The following STIM1 variants were observed in gnomAD, a reference collection of about 807,000 sequenced individuals.
STIM1 encodes the protein stromal interaction molecule 1.
A neutral mutation model predicts 74.7 loss-of-function variants in STIM1; 25 were observed. That is an observed-to-expected ratio of 0.33 (90% CI 0.24 to 0.47). STIM1 has a LOEUF of 0.47. Ranked by LOEUF, STIM1 falls within the 20% of genes least tolerant of loss-of-function variation. The probability of loss-of-function intolerance (pLI) is 1.00; values close to 1 mark genes in which losing one functional copy is unlikely to be tolerated. For missense variants in STIM1, 728 were observed against 920.8 expected (o/e 0.79, Z 2.71); for synonymous variants, 328 against 348.8 (o/e 0.94, Z 0.66).
chr11:3,996,067 G>GCCACTGCACTCT (rs2093660979), intron 2 of STIM1, among the ~76,000 whole-genome samples: 1 of 152,052 alleles, frequency 6.6e-6, no homozygotes, highest in Non-Finnish European at 1.5e-5. Context: ...ACTCTTTTGA[G>GCCACTGCACTCT]AGTACCCTAC....
At chr11:3,947,700 A>C (rs1015445344) in intron 1 of STIM1, 3 of 152,140 alleles carry the variant, frequency 2.0e-5, no homozygotes, top group Non-Finnish European at 2.9e-5. Flanking sequence ...TTGCCCAGTA[A>C]ATCAGCTGTG....
chr11:4,015,898 C>A (rs756149353), intron 2 of STIM1, among the ~76,000 whole-genome samples: 5 of 152,146 alleles, frequency 3.3e-5, no homozygotes, highest in Admixed American at 1.3e-4. Context: ...TCCATCAGGT[C>A]ATTTAAGCTC....
At chr11:3,884,333 T>C (rs1047563264) in intron 1 of STIM1, among the ~76,000 whole-genome samples, 1 of 152,196 alleles carries the variant, frequency 6.6e-6, no homozygotes, top group Admixed American at 6.5e-5. Context: ...TGCTTTGTTG[T>C]ATGGTGAACA....
chr11:3,968,833 AC>A (rs2135741264), intron 2 of STIM1, among the ~76,000 whole-genome samples: 1 of 152,350 alleles, frequency 6.6e-6, no homozygotes, highest in African/African-American at 2.4e-5. Context: ...TTGAACTCTT[AC>A]CTTATGCCAG....
chr11:4,080,677 G>C (rs1465890696), intron 7 of STIM1, among the ~76,000 whole-genome samples: 4 of 152,040 alleles, frequency 2.6e-5, no homozygotes, highest in African/African-American at 7.2e-5. Flanking sequence ...TGTTGCTCAG[G>C]CTGCTCTCGA....
intron 1 of STIM1, among the ~76,000 whole-genome samples, chr11:3,930,023 T>G (rs555777743): frequency 6.6e-6 from 1 of 152,230 alleles, no homozygotes; most frequent in South Asian, 2.1e-4. Flanking sequence ...CATCCCCTTT[T>G]AGGAGGTAAT....
At chr11:3,908,344 G>A (rs1390292852) in intron 1 of STIM1, among the ~76,000 whole-genome samples, 2 of 152,130 alleles carry the variant, frequency 1.3e-5, no homozygotes. Flanking sequence ...CAGGCACGGC[G>A]GCTCACGCCT....
chr11:3,913,078 G>A (rs2092590684), intron 1 of STIM1, among the ~76,000 whole-genome samples: 1 of 152,190 alleles, frequency 6.6e-6, no homozygotes, highest in African/African-American at 2.4e-5. Flanking sequence ...TTATGAGAGA[G>A]AAATAAACTT....
intron 1 of STIM1, among the ~76,000 whole-genome samples, chr11:3,960,774 A>G (rs2093276784): frequency 6.6e-6 from 1 of 152,198 alleles, no homozygotes; most frequent in Non-Finnish European, 1.5e-5. Flanking sequence ...AACACATCAC[A>G]ATAGGTTGAA....
intron 1 of STIM1, among the ~76,000 whole-genome samples, chr11:3,879,879 T>C (rs1024027344): frequency 6.6e-6 from 1 of 152,190 alleles, no homozygotes; most frequent in Non-Finnish European, 1.5e-5. Flanking sequence ...CAGATATCAA[T>C]CTTAGGTACT....
At chr11:4,027,118 C>T (rs1206153214) in intron 3 of STIM1, among the ~76,000 whole-genome samples, 4 of 152,096 alleles carry the variant, frequency 2.6e-5, no homozygotes, top group Admixed American at 2.6e-4. Context: ...ACATTCCTAT[C>T]ACTGGGAATA....
At chr11:3,893,575 C>T (rs906769092) in intron 1 of STIM1, among the ~76,000 whole-genome samples, 1 of 152,150 alleles carries the variant, frequency 6.6e-6, no homozygotes, top group Non-Finnish European at 1.5e-5. Context: ...ATGTTTACTT[C>T]CACTTTCTTG....
chr11:3,973,162 A>G, intron 2 of STIM1: 1 of 417,674 alleles, frequency 2.4e-6, no homozygotes, highest in South Asian at 1.8e-5. Flanking sequence ...TACCAAATCC[A>G]TTATAGCCAT....
intron 7 of STIM1, among the ~76,000 whole-genome samples, chr11:4,078,724 C>G (rs1215176347): frequency 1.3e-5 from 2 of 151,964 alleles, no homozygotes; most frequent in Non-Finnish European, 2.9e-5. Flanking sequence ...GTGCCTGCCA[C>G]CACACCTGGC....
chr11:4,048,041 G>A (rs1270568177), intron 3 of STIM1, among the ~76,000 whole-genome samples: 2 of 152,116 alleles, frequency 1.3e-5, no homozygotes, highest in East Asian at 1.9e-4. Flanking sequence ...GGATGATCTC[G>A]ATCCCCTGAC....
chr11:4,011,853 T>C (rs1181686468), intron 2 of STIM1, among the ~76,000 whole-genome samples: 1 of 152,248 alleles, frequency 6.6e-6, no homozygotes, highest in East Asian at 1.9e-4. Context: ...TTTTATGGTT[T>C]TAGGTCTTAC....
chr11:3,926,674 T>C lies in STIM1; in HGVS notation c.140-40878T>C, dbSNP rs184876678. 5.3e-3 allele frequency among the ~76,000 whole-genome samples: 809 copies of C among 152,348 alleles called. 7 individuals are homozygous for C. The highest frequency in any genetic ancestry group is 0.019 in the African/African-American group (778 of 41,576). The stretch of plus-strand genomic sequence containing the variant: ...TGGGCTAAGCAAAGCCTTACTCAGA[T>C]GCTTTATCTGTTTTTATCCTGTGTG... On this transcript the variant is annotated intron_variant, in intron 1 of 12. Coordinates refer to ENST00000526596, the MANE Select transcript of STIM1 (RefSeq NM_001382567.1).
At chr11:3,992,089 GTT>G (rs75377604) in intron 2 of STIM1, among the ~76,000 whole-genome samples, 16 of 95,396 alleles carry the variant, frequency 1.7e-4, no homozygotes, top group African/African-American at 4.6e-4. Context: ...CTGTTTTTTT[GTT>G]TTTTTTTTTT....
chr11:3,911,696 C>G (rs986200461), intron 1 of STIM1, among the ~76,000 whole-genome samples: 1 of 152,128 alleles, frequency 6.6e-6, no homozygotes, highest in African/African-American at 2.4e-5. Context: ...TCTTTTCTAT[C>G]TAGTAAACTC....
Sources: allele counts gnomAD v4.1 joint callset (sites outside exome capture counted in the v4.1 genomes callset), GRCh38; gene constraint gnomAD v4.1.1; transcripts MANE v1.5; gene names NCBI Gene and HGNC (gene_info 2026-07-23, HGNC 2026-07-21).